The following DOCK1 variants were observed in gnomAD, a reference collection of about 807,000 sequenced individuals.
DOCK1 encodes the protein dedicator of cytokinesis 1.
Under a neutral mutation model 262.7 loss-of-function variants are expected in DOCK1, and 138 were observed. The ratio of observed to expected loss-of-function variants is 0.53; its 90% CI spans 0.46 to 0.61. The LOEUF is 0.61. Among genes scored for constraint, DOCK1 ranks in the 20% least tolerant of loss-of-function variants. DOCK1 has a pLI of 0.00. For synonymous variants in DOCK1, 866 were observed against 867.4 expected (o/e 1.00, Z 0.03); for missense variants, 1,908 against 2,370.7 (o/e 0.80, Z 4.05).
intron 1 of DOCK1, among the ~76,000 whole-genome samples, chr10:126,948,860 A>G (rs1024744514): frequency 2.0e-5 from 3 of 151,600 alleles, no homozygotes; most frequent in African/African-American, 7.3e-5. Flanking sequence ...GAGGTTGGGG[A>G]TATGTGTGCT....
At chr10:127,108,874 C>T (rs1377342796) in intron 24 of DOCK1, among the ~76,000 whole-genome samples, 1 of 152,200 alleles carries the variant, frequency 6.6e-6, no homozygotes, top group Admixed American at 6.5e-5. Flanking sequence ...TCCTCAATAA[C>T]TTGTCCATGA....
chr10:127,395,852 C>T (rs975518886), intron 38 of DOCK1, among the ~76,000 whole-genome samples: 1 of 152,192 alleles, frequency 6.6e-6, no homozygotes, highest in Admixed American at 6.5e-5. Context: ...GGCTGGGGCA[C>T]CCACTGGCCT....
At chr10:127,335,682 G>A (rs2063159518) in intron 29 of DOCK1, among the ~76,000 whole-genome samples, 1 of 150,470 alleles carries the variant, frequency 6.6e-6, no homozygotes. Flanking sequence ...TGAGTAGCTG[G>A]GATTACAGGT....
chr10:127,441,740 G>A (rs74753466), intron 49 of DOCK1, among the ~76,000 whole-genome samples: 1,511 of 85,834 alleles, frequency 0.018, 16 homozygotes, highest in African/African-American at 0.056. Flanking sequence ...TCCCCCCTGC[G>A]GGCCTCCCCT....
chr10:127,214,510 A>G (rs1466559028), intron 27 of DOCK1, among the ~76,000 whole-genome samples: 1 of 152,228 alleles, frequency 6.6e-6, no homozygotes, highest in Non-Finnish European at 1.5e-5. Context: ...TGATGGGTGC[A>G]GCTGTGGTCC....
chr10:126,957,666 T>TA (rs2036860771), intron 1 of DOCK1, among the ~76,000 whole-genome samples: 1 of 152,072 alleles, frequency 6.6e-6, no homozygotes, highest in Non-Finnish European at 1.5e-5. Flanking sequence ...TCGTTGTAGA[T>TA]ACGGAGTCTT....
chr10:127,197,550 C>T (rs750442067), intron 27 of DOCK1, among the ~76,000 whole-genome samples: 103 of 152,248 alleles, frequency 6.8e-4, no homozygotes, highest in Non-Finnish European at 1.2e-3. Flanking sequence ...ATGTAAGTAG[C>T]CACATTTATT....
At chr10:127,113,343 C>T (rs914308936) in intron 25 of DOCK1, among the ~76,000 whole-genome samples, 2 of 152,186 alleles carry the variant, frequency 1.3e-5, no homozygotes, top group African/African-American at 4.8e-5. Flanking sequence ...GTCCTCCAGG[C>T]TCCTTCGTGG....
At chr10:127,079,354 C>T (rs1202527389) in intron 23 of DOCK1, among the ~76,000 whole-genome samples, 1 of 152,232 alleles carries the variant, frequency 6.6e-6, no homozygotes, top group African/African-American at 2.4e-5. Flanking sequence ...CTCTGTTCTG[C>T]AATTCTGTCT....
chr10:127,131,333 G>A (rs1313658524), intron 27 of DOCK1, among the ~76,000 whole-genome samples: 2 of 151,994 alleles, frequency 1.3e-5, no homozygotes, highest in Non-Finnish European at 2.9e-5. Flanking sequence ...GGTCTTAAAC[G>A]GACTCCTCCC....
At chr10:127,375,614 C>T (rs946743690) in intron 35 of DOCK1, among the ~76,000 whole-genome samples, 6 of 152,210 alleles carry the variant, frequency 3.9e-5, no homozygotes, top group African/African-American at 9.6e-5. Flanking sequence ...CACTTTTCAT[C>T]GACTATGGTA....
rs147523183 is a variant in DOCK1, at chr10:127,068,032, C to T, written c.2445+6256C>T. 8.8e-3 allele frequency among the ~76,000 whole-genome samples: 1,335 copies of T among 152,264 alleles called. 6 individuals carry two copies. The highest frequency in any genetic ancestry group is 0.02 in the Middle Eastern group (6 of 294). On this transcript the variant is annotated intron_variant, in intron 23 of 51. Transcript: ENST00000623213. ...TCTTTCCATTCTAACCATCACATGG[C>T]GCCATTTCCATCTGGCTTTCTTAGA...
intron 40 of DOCK1, among the ~76,000 whole-genome samples, chr10:127,407,389 G>T (rs995650789): frequency 1.3e-5 from 2 of 152,010 alleles, no homozygotes; most frequent in African/African-American, 4.8e-5. Flanking sequence ...AGCTCTCTGG[G>T]GCCTCTTTTC....
chr10:127,212,617 G>A (rs544368965), intron 27 of DOCK1, among the ~76,000 whole-genome samples: 4 of 151,768 alleles, frequency 2.6e-5, no homozygotes, highest in Admixed American at 6.6e-5. Flanking sequence ...GTGATTTCCC[G>A]ATGCCCAGCA....
intron 38 of DOCK1, among the ~76,000 whole-genome samples, chr10:127,387,004 G>A (rs946403978): frequency 1.3e-5 from 2 of 151,278 alleles, no homozygotes; most frequent in Non-Finnish European, 2.9e-5. Flanking sequence ...GTGGCTTCTT[G>A]GCTCCAGGGT....
chr10:127,047,787 T>C (rs1218576387), intron 21 of DOCK1, among the ~76,000 whole-genome samples: 1 of 152,216 alleles, frequency 6.6e-6, no homozygotes, highest in African/African-American at 2.4e-5. Context: ...CTTCTTCCCT[T>C]CCACATAATT....
chr10:126,974,087 G>C (rs1641190180), intron 2 of DOCK1, among the ~76,000 whole-genome samples: 2 of 152,106 alleles, frequency 1.3e-5, no homozygotes, highest in Admixed American at 6.5e-5. Context: ...AAAGAGCTTT[G>C]AGAGCTCATT....
chr10:127,010,284 T>C (rs1038938423), intron 11 of DOCK1, among the ~76,000 whole-genome samples: 115 of 152,196 alleles, frequency 7.6e-4, no homozygotes, highest in African/African-American at 2.7e-3. Flanking sequence ...CTGGCCAACA[T>C]GGTGAAACCC....
chr10:126,912,563 A>G (rs541098745), intron 1 of DOCK1, among the ~76,000 whole-genome samples: 2 of 151,048 alleles, frequency 1.3e-5, no homozygotes, highest in Admixed American at 6.6e-5. Context: ...TGTCTCTACT[A>G]AAAATACAAA....
Sources: allele counts gnomAD v4.1 joint callset (sites outside exome capture counted in the v4.1 genomes callset), GRCh38; gene constraint gnomAD v4.1.1; transcripts MANE v1.5; gene names NCBI Gene and HGNC (gene_info 2026-07-23, HGNC 2026-07-21).